The following ATP8B4 variants were observed in gnomAD, a reference collection of about 807,000 sequenced individuals.
The protein encoded by ATP8B4 is probable phospholipid-transporting ATPase IM.
A neutral mutation model predicts 145.6 loss-of-function variants in ATP8B4; 133 were observed. The ratio of observed to expected loss-of-function variants is 0.91; its 90% CI spans 0.79 to 1.05. The LOEUF is 1.05. Among genes scored for constraint, ATP8B4 ranks in the 50% least tolerant of loss-of-function variants. The pLI is 0.00. For synonymous variants in ATP8B4, 507 were observed against 492.9 expected, an observed-to-expected ratio of 1.03 and a Z score of -0.38; for missense variants, 1,458 against 1,425.2, an observed-to-expected ratio of 1.02 and a Z score of -0.37.
chr15:49,877,119 C>T (rs765137870), intron 24 of ATP8B4, among the ~76,000 whole-genome samples: 1 of 152,126 alleles, frequency 6.6e-6, no homozygotes. Flanking sequence ...ACAGCAGTTA[C>T]CAGGTGTTCA....
chr15:50,132,337 T>C (rs1342150271), intron 1 of ATP8B4, among the ~76,000 whole-genome samples: 1 of 152,164 alleles, frequency 6.6e-6, no homozygotes, highest in Non-Finnish European at 1.5e-5. Flanking sequence ...AAGACACTTA[T>C]GCAACCAACA....
intron 13 of ATP8B4, among the ~76,000 whole-genome samples, chr15:49,972,259 C>G (rs987939688): frequency 2.0e-5 from 3 of 152,090 alleles, no homozygotes; most frequent in African/African-American, 4.8e-5. Flanking sequence ...TATCCCAAAA[C>G]TTAAAGTATA....
At chr15:49,892,041 GGGA>G (rs2036876365) in intron 23 of ATP8B4, among the ~76,000 whole-genome samples, 2 of 149,632 alleles carry the variant, frequency 1.3e-5, no homozygotes, top group Admixed American at 6.7e-5. Context: ...GTGTGAACCT[GGGA>G]GGTGGAGCTT....
intron 3 of ATP8B4, among the ~76,000 whole-genome samples, chr15:50,060,648 C>T (rs1404982561): frequency 6.6e-6 from 1 of 152,188 alleles, no homozygotes; most frequent in Non-Finnish European, 1.5e-5. Flanking sequence ...CCCCCACCAC[C>T]ACCTCTTTGC....
chr15:49,934,277 T>G, intron 14 of ATP8B4, 95 bp from the exon 15 acceptor site: 2 of 1,382,682 alleles, frequency 1.4e-6, no homozygotes, highest in Non-Finnish European at 1.9e-6. Context: ...ATTTTTAGTG[T>G]ATTATTTTGC....
rs71124312 is a variant in ATP8B4, at chr15:49,861,452, G to GTCTA, written c.3297+789_3297+792dup. The stretch of plus-strand genomic sequence containing the variant: ...TGTCTGTCTGTCTGTCTGTCTGTCT[G>GTCTA]TCTATCTATCTATCTATCTATCTAC... On this transcript the variant is annotated intron_variant, in intron 27 of 27. Coordinates refer to ENST00000284509, the MANE Select transcript of ATP8B4 (RefSeq NM_024837.4). Among the ~76,000 whole-genome samples the GTCTA allele has an allele frequency of 3.0e-3, 432 of 143,516 alleles. 1 individual carries two copies. Among genetic ancestry groups the GTCTA allele is most frequent in the African/African-American group, 5.3e-3 (200 of 37,614 alleles). The allele number at this position is 143,516 out of a possible 152,430, so 94.2% of individuals were successfully genotyped here.
At position 49,898,187 on chromosome 15, in the gene ATP8B4, A is replaced by G; in HGVS notation, c.2354T>C (p.Val785Ala). The G allele has an allele frequency of 6.2e-7, 1 of 1,613,906 alleles. No homozygotes were observed. Among genetic ancestry groups the G allele is most frequent in the Non-Finnish European group, 8.5e-7 (1 of 1,179,878 alleles). ...GAGTGGAGTGACCCTGCAGCAAATTACAGTCTTACACATGCAAGCAAGTTC... is the reference window on the plus strand; with the variant it reads ...GAGTGGAGTGACCCTGCAGCAAATTGCAGTCTTACACATGCAAGCAAGTTC... ...LLELACMCKTVICCRVTPLQK... is the reference protein window; with the variant it reads ...LLELACMCKTAICCRVTPLQK... The change falls in exon 22 of 28, where the codon GTA becomes GCA. Residue 785 changes from valine (V) to alanine (A), a missense_variant. Val to Ala is a moderately conservative substitution (Grantham distance 64). Transcript: ENST00000284509.
chr15:50,012,740 T>C (rs1049221500), intron 6 of ATP8B4, among the ~76,000 whole-genome samples: 2 of 152,140 alleles, frequency 1.3e-5, no homozygotes, highest in African/African-American at 4.8e-5. Flanking sequence ...CAAATGTAAC[T>C]AGAGTTTACA....
Position 49,972,652 on chromosome 15 carries a change from G to A in ATP8B4, c.1173C>T (p.Ser391=), listed in dbSNP as rs770476015. The A allele has an allele frequency of 7.3e-5, 118 of 1,613,732 alleles. No individual in the cohort carries two copies. In the Middle Eastern group the frequency reaches 1.8e-3, roughly 25 times the overall value. ...TTTGAGTGAGGGTACCCGTTTTGTCGGAGAAAATGTACTCAATCTGCCCCA... is the reference window on the plus strand; with the variant it reads ...TTTGAGTGAGGGTACCCGTTTTGTCAGAGAAAATGTACTCAATCTGCCCCA... ...EELGQIEYIF[S]DKTGTLTQNI... Residue 391 remains serine (S), a synonymous_variant, in exon 13 of 28, where the codon TCC becomes TCT. Coordinates refer to ENST00000284509, the MANE Select transcript of ATP8B4 (RefSeq NM_024837.4).
At chr15:49,965,486 C>T (rs1394581065) in intron 13 of ATP8B4, among the ~76,000 whole-genome samples, 2 of 151,856 alleles carry the variant, frequency 1.3e-5, no homozygotes, top group Non-Finnish European at 2.9e-5. Flanking sequence ...TCTGTGCTCT[C>T]AGCAGAAGGA....
At chr15:50,180,150 T>A (rs2044824059) in intron 1 of ATP8B4, among the ~76,000 whole-genome samples, 1 of 152,160 alleles carries the variant, frequency 6.6e-6, no homozygotes, top group Admixed American at 6.5e-5. Flanking sequence ...CCCACAGACA[T>A]TGGTTCAGAA....
chr15:50,068,854 C>T (rs553979670), intron 3 of ATP8B4, among the ~76,000 whole-genome samples: 2 of 152,210 alleles, frequency 1.3e-5, no homozygotes, highest in African/African-American at 4.8e-5. Flanking sequence ...AACTTTTAAA[C>T]AAAATCAGAA....
At chr15:49,872,615 A>G (rs977996150) in intron 25 of ATP8B4, among the ~76,000 whole-genome samples, 1 of 152,204 alleles carries the variant, frequency 6.6e-6, no homozygotes, top group African/African-American at 2.4e-5. Context: ...CCACAACCTC[A>G]GTCTATTTCT....
chr15:49,975,583 AGAG>A (rs1354395750), intron 12 of ATP8B4, among the ~76,000 whole-genome samples: 6 of 152,174 alleles, frequency 3.9e-5, no homozygotes, highest in Non-Finnish European at 8.8e-5. Context: ...TATGTTTGGT[AGAG>A]TCCATAGATA....
Position 50,029,255 on chromosome 15 carries a change from A to AAAAC in ATP8B4, c.362+9512_362+9513insGTTT, listed in dbSNP as rs776952913. ...CTCCATCTTAAAAAAAAAAAAAAAA[A>AAAAC]AACAGAAAAATACAGCAGAATTTTA... On this transcript the variant is annotated intron_variant, in intron 6 of 27. Coordinates refer to ENST00000284509, the MANE Select transcript of ATP8B4 (RefSeq NM_024837.4). Among the ~76,000 whole-genome samples the AAAAC allele has an allele frequency of 5.0e-5, 7 of 141,164 alleles. 1 individual carries two copies. The highest frequency in any genetic ancestry group is 1.3e-4 in the African/African-American group (5 of 39,082). 92.6% of individuals were successfully genotyped at this position (141,164 alleles called of 152,430 possible).
intron 1 of ATP8B4, among the ~76,000 whole-genome samples, chr15:50,174,551 CA>C (rs35979987): frequency 0.15 from 12,176 of 80,330 alleles, 581 homozygotes; most frequent in African/African-American, 0.23. Context: ...ACAATCACTG[CA>C]AAAAAAAAAA....
chr15:50,017,428 A>C (rs1243660517), intron 6 of ATP8B4, among the ~76,000 whole-genome samples: 1 of 152,222 alleles, frequency 6.6e-6, no homozygotes, highest in Non-Finnish European at 1.5e-5. Flanking sequence ...GCCACATATT[A>C]TTTTGAAAAA....
At chr15:49,982,780 C>G (rs2046272355) in intron 10 of ATP8B4, among the ~76,000 whole-genome samples, 1 of 152,106 alleles carries the variant, frequency 6.6e-6, no homozygotes, top group Non-Finnish European at 1.5e-5. Context: ...ACTCAACAGC[C>G]TCCGTTTTCT....
intron 14 of ATP8B4, among the ~76,000 whole-genome samples, chr15:49,940,122 A>G (rs1244421458): frequency 7.2e-5 from 11 of 152,226 alleles, no homozygotes; most frequent in Non-Finnish European, 1.6e-4. Flanking sequence ...TATTATTCAC[A>G]ATAGCAAAGA....
Sources: allele counts gnomAD v4.1 joint callset (sites outside exome capture counted in the v4.1 genomes callset), GRCh38; gene constraint gnomAD v4.1.1; transcripts MANE v1.5; gene names NCBI Gene and HGNC (gene_info 2026-07-23, HGNC 2026-07-21).